GALNT15: variants seen among roughly 807,000 people sequenced by gnomAD.
The protein encoded by GALNT15 is UDP-GalNAc transferase T15.
Under a neutral mutation model 66.8 loss-of-function variants are expected in GALNT15, and 67 were observed. The observed-to-expected ratio is 1.00, with a 90% confidence interval of 0.82 to 1.23. The LOEUF is 1.23. GALNT15 is among the 50% of genes most tolerant of loss of function. The pLI, the probability that GALNT15 is intolerant of heterozygous loss-of-function variation, is 0.00. For missense variants in GALNT15, 827 were observed against 804.3 expected (o/e 1.03, Z -0.34); for synonymous variants, 313 against 311.5 (o/e 1.00, Z -0.05).
chr3:16,204,614 G>A lies in GALNT15; in HGVS notation c.911+3791G>A, dbSNP rs941785913. On this transcript the variant is annotated intron_variant, in intron 3 of 9. Transcript: ENST00000339732. The surrounding 1 kb of genome is among the most constrained non-coding windows in gnomAD (Gnocchi z 4.5). ...AGCTCTCATACCCAAGCCAAGCAGTGGAAGCCATACCCCTGGAAGGATGAA... is the reference window on the plus strand; with the variant it reads ...AGCTCTCATACCCAAGCCAAGCAGTAGAAGCCATACCCCTGGAAGGATGAA... 1.3e-5 allele frequency among the ~76,000 whole-genome samples: 2 copies of A among 152,044 alleles called. No homozygotes were observed. Among genetic ancestry groups the A allele is most frequent in the African/African-American group, 2.4e-5 (1 of 41,374 alleles).
At chr3:16,217,056 C>T (rs1305984675) in intron 6 of GALNT15, among the ~76,000 whole-genome samples, 1 of 152,214 alleles carries the variant, frequency 6.6e-6, no homozygotes, top group African/African-American at 2.4e-5. Flanking sequence ...TCCTGCCCTG[C>T]TTATGTCTGA....
At position 16,176,796 on chromosome 3, in the gene GALNT15, C is replaced by A. The variant is rs1682358256; in HGVS notation, c.539+1106C>A. Among the ~76,000 whole-genome samples the A allele has an allele frequency of 6.6e-6, 1 of 152,164 alleles. No homozygotes were observed. The highest frequency in any genetic ancestry group is 1.5e-5 in the Non-Finnish European group (1 of 68,030). On this transcript the variant is annotated intron_variant, in intron 1 of 9. Transcript: ENST00000339732. The surrounding 1 kb of genome is among the most constrained non-coding windows in gnomAD (Gnocchi z 5.6). ...GCAGGGCAGCAGTTGGAAGCAGGGC[C>A]ACACACTCTTCGGATCCCTGATCTA...
At position 16,229,337 on chromosome 3, in the gene GALNT15, A is replaced by G. The variant is rs1388606207; in HGVS notation, c.*1837A>G. The stretch of plus-strand genomic sequence containing the variant: ...TGATGGAAATCCATTAAAATCAAAG[A>G]AAATTTAAAACTCAATTCCTCAATT... On this transcript the variant is annotated 3_prime_UTR_variant, in exon 10 of 10. Coordinates refer to ENST00000339732, the MANE Select transcript of GALNT15 (RefSeq NM_054110.5). 1 of 918,024 alleles carries G rather than the reference A, an allele frequency of 1.1e-6. No individual in the cohort carries two copies. The highest frequency in any genetic ancestry group is 6.2e-5 in the Admixed American group (1 of 16,192). 56.9% of individuals were successfully genotyped at this position (918,024 alleles called of 1,614,324 possible). A position where few individuals can be genotyped will look rare whatever the true frequency, so the allele number is the denominator to read the frequency against.
Position 16,181,934 on chromosome 3 carries a change from C to T in GALNT15, c.539+6244C>T, listed in dbSNP as rs1275771028. 6.6e-6 allele frequency among the ~76,000 whole-genome samples: 1 copy of T among 152,120 alleles called. No individual in the cohort carries two copies. The highest frequency in any genetic ancestry group is 1.9e-4 in the East Asian group (1 of 5,162). Reference sequence around the variant, plus strand: ...CCTCCTCTGGACCTCCACTCTGGATCCATCACCCCGCAGTGGGGTTGCAGC... The same window carrying T: ...CCTCCTCTGGACCTCCACTCTGGATTCATCACCCCGCAGTGGGGTTGCAGC... On this transcript the variant is annotated intron_variant, in intron 1 of 9. Transcript: ENST00000339732. This position sits in a 1 kb window ranked among gnomAD's most constrained non-coding sequence, Gnocchi z 5.9.
At position 16,195,769 on chromosome 3, in the gene GALNT15, G is replaced by T; in HGVS notation, c.549G>T (p.Gln183His). ...GCTCTCTTCCCTGCAGGTGTCTGCA[G>T]CAGCACCCTCAGGACAGCCTGCCCA... ...LPEVRHPLCL[Q>H]QHPQDSLPTA... The change falls in exon 2 of 10, where the codon CAG becomes CAT. Residue 183 changes from glutamine to histidine, a missense_variant. By Grantham distance (24) the Gln-to-His change is conservative (BLOSUM62 0). Coordinates refer to ENST00000339732, the MANE Select transcript of GALNT15 (RefSeq NM_054110.5). The surrounding 1 kb of genome is among the most constrained non-coding windows in gnomAD (Gnocchi z 4.6). 1 of 1,612,216 alleles carries T rather than the reference G, an allele frequency of 6.2e-7. No homozygotes were observed. Among genetic ancestry groups the T allele is most frequent in the Non-Finnish European group, 8.5e-7 (1 of 1,178,828 alleles).
Position 16,211,482 on chromosome 3 carries a change from C to A in GALNT15, c.1197+241C>A, listed in dbSNP as rs9858216. Among the ~76,000 whole-genome samples, 2,074 of 152,312 alleles carry A rather than the reference C, an allele frequency of 0.014. 54 individuals carry two copies. The highest frequency in any genetic ancestry group is 0.047 in the African/African-American group (1,963 of 41,556). ...CTGCTTCCAGGAATAGGCATACTCT[C>A]AGTTATTTTAACTGCTGTGCGGAGA... On this transcript the variant is annotated intron_variant, in intron 5 of 9. Transcript: ENST00000339732. The surrounding 1 kb of genome is among the most constrained non-coding windows in gnomAD (Gnocchi z 4.3).
chr3:16,200,036 C>T lies in GALNT15; in HGVS notation c.707-583C>T, dbSNP rs1158669362. On this transcript the variant is annotated intron_variant, in intron 2 of 9. Transcript: ENST00000339732. The surrounding 1 kb of genome is among the most constrained non-coding windows in gnomAD (Gnocchi z 4.4). ...AGGAGGTTTAATTGACTCACAGTTTCGCATGGCTGGGGAGGCCTCAGGAAA... is the reference window on the plus strand; with the variant it reads ...AGGAGGTTTAATTGACTCACAGTTTTGCATGGCTGGGGAGGCCTCAGGAAA... Among the ~76,000 whole-genome samples, 8 of 152,224 alleles carry T rather than the reference C, an allele frequency of 5.3e-5. 1 individual carries two copies. The highest frequency in any genetic ancestry group is 3.9e-4 in the East Asian group (2 of 5,184).
intron 3 of GALNT15, among the ~76,000 whole-genome samples, chr3:16,202,849 T>C (rs1483795842): frequency 2.0e-5 from 3 of 152,244 alleles, no homozygotes; most frequent in African/African-American, 7.2e-5. Context: ...GATTTCGCTA[T>C]CGAGAACCCT....
Position 16,204,238 on chromosome 3 carries a change from T to C in GALNT15, c.911+3415T>C, listed in dbSNP as rs1036015451. On this transcript the variant is annotated intron_variant, in intron 3 of 9. Transcript: ENST00000339732. The surrounding 1 kb of genome is among the most constrained non-coding windows in gnomAD (Gnocchi z 4.5). ...CATGTGGCAACTTTATTTGAATTGG[T>C]AGAAATCCCTTCCTCATGACCATTC... Among the ~76,000 whole-genome samples the C allele has an allele frequency of 6.6e-6, 1 of 152,152 alleles. No individual in the cohort carries two copies. The highest frequency in any genetic ancestry group is 1.5e-5 in the Non-Finnish European group (1 of 68,026).
At chr3:16,220,896 G>A (rs531090636) in intron 8 of GALNT15, among the ~76,000 whole-genome samples, 2 of 152,292 alleles carry the variant, frequency 1.3e-5, no homozygotes, top group African/African-American at 4.8e-5. Flanking sequence ...GGATCCATCC[G>A]GCCTCCTTTG....
rs746143422 is a variant in GALNT15 at position 16,195,970 on chromosome 3, C to T, written c.706+44C>T. 1.9e-6 allele frequency: 3 copies of T among 1,598,460 alleles called. No individual in the cohort carries two copies. Among genetic ancestry groups the T allele is most frequent in the Admixed American group, 1.7e-5 (1 of 58,726 alleles). On this transcript the variant is annotated intron_variant, in intron 2 of 9. Transcript: ENST00000339732. The surrounding 1 kb of genome is among the most constrained non-coding windows in gnomAD (Gnocchi z 4.6). ...CAGGCTCGTCTGGGTGAGCCTTACCCCCTGGCGGGTGGAGTTCTCAAGCAA... is the reference window on the plus strand; with the variant it reads ...CAGGCTCGTCTGGGTGAGCCTTACCTCCTGGCGGGTGGAGTTCTCAAGCAA...
At position 16,176,765 on chromosome 3, in the gene GALNT15, A is replaced by G. The variant is rs1224809214; in HGVS notation, c.539+1075A>G. ...CTGGAGAGTTTCCTGGAAAGCAAAC[A>G]TTTGTGCAGGGCAGCAGTTGGAAGC... is the stretch of plus-strand genomic sequence containing the variant. On this transcript the variant is annotated intron_variant, in intron 1 of 9. Coordinates refer to ENST00000339732, the MANE Select transcript of GALNT15 (RefSeq NM_054110.5). The surrounding 1 kb of genome is among the most constrained non-coding windows in gnomAD (Gnocchi z 5.6). Among the ~76,000 whole-genome samples the G allele has an allele frequency of 6.6e-6, 1 of 152,128 alleles. No homozygotes were observed. Among genetic ancestry groups the G allele is most frequent in the Non-Finnish European group, 1.5e-5 (1 of 68,018 alleles).
downstream of GALNT15, among the ~76,000 whole-genome samples, chr3:16,233,113 T>TTTTTTTTTTTTTTTTTTTTTTTTTGTGG: frequency 7.2e-6 from 1 of 139,348 alleles, no homozygotes; most frequent in Non-Finnish European, 1.5e-5. Context: ...TTTTTTTTTT[T>TTTTTTTTTTTTTTTTTTTTTTTTTGTGG]GAAACGGAGT....
rs1490317271 is a variant in GALNT15 at position 16,200,009 on chromosome 3, A to G, written c.707-610A>G. On this transcript the variant is annotated intron_variant, in intron 2 of 9. Coordinates refer to ENST00000339732, the MANE Select transcript of GALNT15 (RefSeq NM_054110.5). This position sits in a 1 kb window ranked among gnomAD's most constrained non-coding sequence, Gnocchi z 4.4. ...GCCTGAGACTAGGTAATTTATAAAG[A>G]AAGGAGGTTTAATTGACTCACAGTT... Among the ~76,000 whole-genome samples the G allele has an allele frequency of 6.6e-6, 1 of 152,140 alleles. No individual in the cohort carries two copies. The highest frequency in any genetic ancestry group is 1.5e-5 in the Non-Finnish European group (1 of 68,036).
At chr3:16,244,921 C>T in the GALNT15 span, among the ~76,000 whole-genome samples, 14 of 152,346 alleles carry the variant, frequency 9.2e-5, no homozygotes, top group Admixed American at 9.2e-4. Context: ...CTTTCCGCCA[C>T]TGCTGCTGAA....
At chr3:16,241,827 C>T in the GALNT15 span, among the ~76,000 whole-genome samples, 14 of 152,228 alleles carry the variant, frequency 9.2e-5, no homozygotes, top group East Asian at 2.1e-3. This position sits in a 1 kb window ranked among gnomAD's most constrained non-coding sequence, Gnocchi z 4.6. Context: ...GGATTACAGC[C>T]GTGAGCCACC....
intron 2 of GALNT15, among the ~76,000 whole-genome samples, chr3:16,197,604 C>T (rs11712968): frequency 0.61 from 92,372 of 152,008 alleles, 28,308 homozygotes; most frequent in East Asian, 0.8. Flanking sequence ...CCCTGAGCCA[C>T]CTTGATGGGC....
At chr3:16,244,009 A>G in the GALNT15 span, 1 of 985,390 alleles carries the variant, frequency 1.0e-6, no homozygotes, top group Non-Finnish European at 1.2e-6. Flanking sequence ...CTCAGGTCTC[A>G]TAAGACACAG....
intron 2 of GALNT15, among the ~76,000 whole-genome samples, chr3:16,199,752 G>A (rs1422630201): frequency 6.6e-6 from 1 of 152,132 alleles, no homozygotes; most frequent in Non-Finnish European, 1.5e-5. Flanking sequence ...ACCCTGCAAT[G>A]GTCAGTCATT....
Sources: gnomAD v4.1 joint callset for allele counts (sites outside exome capture counted in the v4.1 genomes callset) on GRCh38, gnomAD v4.1.1 for gene constraint, Gnocchi (gnomAD v3.1) non-coding constraint, MANE v1.5 for transcripts, NCBI Gene and HGNC (gene_info 2026-07-23, HGNC 2026-07-21) for gene names.